Variants in CNNM2 observed in about 807,000 individuals in gnomAD.
The protein encoded by CNNM2 is cyclin and CBS domain divalent metal cation transport mediator 2.
In CNNM2, 12 loss-of-function variants were observed where a neutral mutation model predicts 66.9. The ratio of observed to expected loss-of-function variants is 0.18; its 90% CI spans 0.11 to 0.29. The LOEUF (loss-of-function observed/expected upper bound fraction) is 0.29. Ranked by LOEUF, CNNM2 falls within the 10% of genes least tolerant of loss-of-function variation. CNNM2 has a pLI of 1.00. For synonymous variants in CNNM2, 557 were observed against 501.8 expected, an observed-to-expected ratio of 1.11 and a Z score of -1.47; for missense variants, 705 against 1,167.7, an observed-to-expected ratio of 0.60 and a Z score of 5.77.
chr10:103,032,661 CTTTTTTTTTT>C (rs11300982), intron 1 of CNNM2, among the ~76,000 whole-genome samples: 2 of 120,590 alleles, frequency 1.7e-5, no homozygotes, highest in Admixed American at 1.7e-4. Context: ...TGATGTAGCT[CTTTTTTTTTT>C]TTTTTTTTTT....
chr10:103,021,695 T>C (rs1164638624), intron 1 of CNNM2, among the ~76,000 whole-genome samples: 1 of 152,192 alleles, frequency 6.6e-6, no homozygotes, highest in African/African-American at 2.4e-5. Context: ...TTGGACTTCA[T>C]TGTTAATCAT....
intron 1 of CNNM2, among the ~76,000 whole-genome samples, chr10:102,935,354 TG>T (rs1479631050): frequency 6.6e-6 from 1 of 151,662 alleles, no homozygotes; most frequent in South Asian, 2.1e-4. Flanking sequence ...CTTAGCTACT[TG>T]GGGGGTTGAG....
At chr10:102,928,618 C>G (rs988898099) in intron 1 of CNNM2, among the ~76,000 whole-genome samples, 3 of 151,256 alleles carry the variant, frequency 2.0e-5, no homozygotes, top group Non-Finnish European at 2.9e-5. Flanking sequence ...TTTCTCAGTT[C>G]TAGAGGCTGG....
chr10:103,065,123 T>G (rs1043474749), intron 4 of CNNM2, among the ~76,000 whole-genome samples: 1 of 152,192 alleles, frequency 6.6e-6, no homozygotes, highest in Non-Finnish European at 1.5e-5. Flanking sequence ...TCTGGAGTTT[T>G]GAGTCTTGCA....
chr10:102,961,336 T>G (rs892149151), intron 1 of CNNM2, among the ~76,000 whole-genome samples: 3 of 152,240 alleles, frequency 2.0e-5, no homozygotes, highest in Admixed American at 6.5e-5. Context: ...AACTGATACT[T>G]AAGCCTTCAT....
At chr10:103,073,542 A>G (rs2065631855) in intron 6 of CNNM2, among the ~76,000 whole-genome samples, 1 of 152,184 alleles carries the variant, frequency 6.6e-6, no homozygotes, top group Non-Finnish European at 1.5e-5. Context: ...CATGGTGGCA[A>G]GGTCCGGGAG....
intron 1 of CNNM2, among the ~76,000 whole-genome samples, chr10:102,962,556 A>T (rs368771955): frequency 1.3e-5 from 2 of 152,198 alleles, no homozygotes; most frequent in Non-Finnish European, 2.9e-5. Context: ...TAGCAGAAAC[A>T]ATTCAAATGT....
In CNNM2 at chr10:102,973,778, A is replaced by G. The variant is rs979879953; in HGVS notation, c.1621+53677A>G. Among the ~76,000 whole-genome samples, 5 of 151,962 alleles carry G rather than the reference A, an allele frequency of 3.3e-5. No individual in the cohort carries two copies. The East Asian group carries it at 5.8e-4, about 18-fold the overall frequency. On this transcript the variant is annotated intron_variant, in intron 1 of 7. Transcript: ENST00000369878. Reference sequence around the variant, plus strand: ...AACCTTTTATTCTTCACATACTCCAATTTTGCATTGATAAGCTAACAGCAT... The same window carrying G: ...AACCTTTTATTCTTCACATACTCCAGTTTTGCATTGATAAGCTAACAGCAT...
At chr10:102,963,603 G>T (rs761055207) in intron 1 of CNNM2, among the ~76,000 whole-genome samples, 10 of 152,064 alleles carry the variant, frequency 6.6e-5, no homozygotes, top group Non-Finnish European at 1.2e-4. Flanking sequence ...ATTGTTCCCG[G>T]AGAATCTCAT....
At chr10:102,973,819 C>A (rs367746959) in intron 1 of CNNM2, among the ~76,000 whole-genome samples, 1 of 143,310 alleles carries the variant, frequency 7.0e-6, no homozygotes, top group African/African-American at 2.5e-5. Flanking sequence ...CATGTATTCC[C>A]CCCCCCCCTT....
At position 103,085,942 on chromosome 10, in the gene CNNM2, T is replaced by C. The variant is rs949809839; in HGVS notation, c.*8762T>C. On this transcript the variant is annotated 3_prime_UTR_variant, in exon 8 of 8. Transcript: ENST00000369878. ...TTTTTACTCATTCTATAAATGAACA[T>C]GCTGCCTGTTTAAAGGACTTGCTTT... 4 of 152,260 alleles carry C rather than the reference T, an allele frequency of 2.6e-5. No individual in the cohort carries two copies. Among genetic ancestry groups the C allele is most frequent in the Non-Finnish European group, 4.4e-5 (3 of 68,030 alleles). 9.4% of individuals were successfully genotyped at this position (152,260 alleles called of 1,614,324 possible). A position where few individuals can be genotyped will look rare whatever the true frequency, so the allele number is the denominator to read the frequency against.
intron 1 of CNNM2, among the ~76,000 whole-genome samples, chr10:102,965,414 G>A (rs1306104218): frequency 3.9e-5 from 6 of 152,198 alleles, no homozygotes; most frequent in Admixed American, 3.3e-4. Context: ...AGTCAAAGAC[G>A]AGAAGTAGGA....
At position 102,966,445 on chromosome 10, in the gene CNNM2, A is replaced by G. The variant is rs1404427276; in HGVS notation, c.1621+46344A>G. Among the ~76,000 whole-genome samples, 3 of 152,206 alleles carry G rather than the reference A, an allele frequency of 2.0e-5. No individual in the cohort carries two copies. In the East Asian group the frequency reaches 5.8e-4, roughly 29 times the overall value. Reference sequence around the variant, plus strand: ...GGAGTTTGAGGCCAGCCTGGCCAACATGGCGAAACCCCATCTCTACTAAAT... The same window carrying G: ...GGAGTTTGAGGCCAGCCTGGCCAACGTGGCGAAACCCCATCTCTACTAAAT... On this transcript the variant is annotated intron_variant, in intron 1 of 7. Transcript: ENST00000369878.
intron 1 of CNNM2, among the ~76,000 whole-genome samples, chr10:102,985,706 T>C (rs2063786726): frequency 6.6e-6 from 1 of 152,228 alleles, no homozygotes; most frequent in African/African-American, 2.4e-5. Flanking sequence ...AGAATATTTG[T>C]TTTGTTTACA....
chr10:103,009,082 G>T (rs1419920247), intron 1 of CNNM2, among the ~76,000 whole-genome samples: 3 of 152,112 alleles, frequency 2.0e-5, no homozygotes, highest in Non-Finnish European at 4.4e-5. Context: ...TTTGAGACCA[G>T]CCTGACCAAC....
chr10:102,960,223 T>C (rs2063359282), intron 1 of CNNM2, among the ~76,000 whole-genome samples: 1 of 152,194 alleles, frequency 6.6e-6, no homozygotes, highest in Admixed American at 6.5e-5. Context: ...TGATTTTCTA[T>C]TTGCACTTTA....
intron 1 of CNNM2, among the ~76,000 whole-genome samples, chr10:103,014,484 C>T (rs137881364): frequency 7.2e-5 from 11 of 152,244 alleles, no homozygotes; most frequent in Middle Eastern, 3.4e-3. Context: ...TAAGGTCAAG[C>T]GGGTGAGAAT....
intron 4 of CNNM2, among the ~76,000 whole-genome samples, chr10:103,060,752 G>A (rs925525517): frequency 5.3e-5 from 8 of 152,082 alleles, no homozygotes; most frequent in African/African-American, 1.9e-4. Flanking sequence ...GTAACAACGA[G>A]TCTCTAAGGA....
rs10786729 is a variant in CNNM2, at chr10:102,959,621, A to G, written c.1621+39520A>G. Among the ~76,000 whole-genome samples, 62,041 of 152,014 alleles carry G rather than the reference A, an allele frequency of 0.41. 12,882 individuals carry two copies. Among genetic ancestry groups the G allele is most frequent in the East Asian group, 0.56 (2,896 of 5,162 alleles). The stretch of plus-strand genomic sequence containing the variant: ...AGACAGGGTCTTGCTCTGTCACCCA[A>G]GCTGGGGTGCAGTGATGTGAACATG... On this transcript the variant is annotated intron_variant, in intron 1 of 7. Coordinates refer to ENST00000369878, the MANE Select transcript of CNNM2 (RefSeq NM_017649.5).
Sources: gnomAD v4.1 joint callset for allele counts (sites outside exome capture counted in the v4.1 genomes callset) on GRCh38, gnomAD v4.1.1 for gene constraint, MANE v1.5 for transcripts, NCBI Gene and HGNC (gene_info 2026-07-23, HGNC 2026-07-21) for gene names.